FER1L6: variants seen among roughly 807,000 people sequenced by gnomAD.
FER1L6 encodes fer-1-like protein 6.
In FER1L6, 177 loss-of-function variants were observed where a neutral mutation model predicts 219.2. The ratio of observed to expected loss-of-function variants is 0.81; its 90% CI spans 0.71 to 0.91. The LOEUF is 0.91. FER1L6 is among the 40% of genes least tolerant of loss of function. The pLI is 0.00. For synonymous variants in FER1L6, 768 were observed against 824.3 expected (o/e 0.93, Z 1.17); for missense variants, 2,153 against 2,259.9 (o/e 0.95, Z 0.96).
chr8:123,979,581 A>G (rs1021449165), intron 10 of FER1L6, among the ~76,000 whole-genome samples: 1 of 152,206 alleles, frequency 6.6e-6, no homozygotes, highest in Non-Finnish European at 1.5e-5. Flanking sequence ...TTTCTCAGAC[A>G]CTATGTATTA....
chr8:123,943,693 C>T (rs1231251693), intron 1 of FER1L6, among the ~76,000 whole-genome samples: 3 of 152,130 alleles, frequency 2.0e-5, no homozygotes, highest in Admixed American at 2.0e-4. Context: ...AGGTCTGTTG[C>T]TCTGCTTCTC....
intron 10 of FER1L6, 83 bp from the exon 11 acceptor site, chr8:123,980,381 GA>G: frequency 9.0e-7 from 1 of 1,111,782 alleles, no homozygotes; most frequent in Non-Finnish European, 1.3e-6. Context: ...GTCTTTCTTG[GA>G]TATTCTACAT....
chr8:123,948,426 A>T (rs747241128), intron 1 of FER1L6, among the ~76,000 whole-genome samples: 26 of 152,230 alleles, frequency 1.7e-4, no homozygotes, highest in Admixed American at 2.6e-4. Context: ...ATAATCTCCA[A>T]ATCAAATTGG....
intron 14 of FER1L6, among the ~76,000 whole-genome samples, chr8:124,011,299 C>A (rs909586229): frequency 1.3e-5 from 2 of 152,136 alleles, no homozygotes; most frequent in Non-Finnish European, 2.9e-5. Flanking sequence ...TTTCAGACTT[C>A]CTCAGGGAAG....
chr8:124,020,249 G>A (rs6983493), intron 16 of FER1L6, among the ~76,000 whole-genome samples: 3,752 of 152,258 alleles, frequency 0.025, 146 homozygotes, highest in African/African-American at 0.086. Context: ...ATGTAGAACT[G>A]TGAGTTCTCC....
intron 30 of FER1L6, 129 bp from the exon 31 acceptor site, chr8:124,071,377 C>A: frequency 8.2e-7 from 1 of 1,214,634 alleles, no homozygotes; most frequent in Non-Finnish European, 1.2e-6. Flanking sequence ...ACCCAACTGG[C>A]AAGTTTAGCA....
At chr8:123,909,900 T>A (rs1248774313) in intron 1 of FER1L6, among the ~76,000 whole-genome samples, 1 of 152,228 alleles carries the variant, frequency 6.6e-6, no homozygotes, top group Non-Finnish European at 1.5e-5. Context: ...TTATCATAGT[T>A]AACTCTGAAA....
At chr8:124,109,148 G>A (rs751261419) in intron 39 of FER1L6, among the ~76,000 whole-genome samples, 1 of 152,176 alleles carries the variant, frequency 6.6e-6, no homozygotes, top group Non-Finnish European at 1.5e-5. Context: ...CCTTGAGAGA[G>A]AGATACACGT....
At chr8:124,046,346 T>C (rs4871456) in intron 21 of FER1L6, 77,386 of 154,676 alleles carry the variant, frequency 0.5, 19,387 homozygotes, top group Middle Eastern at 0.54. Flanking sequence ...CCTTTCTGTG[T>C]TTCTTTCTCT....
At chr8:124,082,167 C>G (rs1821582419) in intron 32 of FER1L6, 121 bp from the exon 33 acceptor site, 4 of 683,702 alleles carry the variant, frequency 5.9e-6, no homozygotes, top group Non-Finnish European at 9.8e-6. Context: ...TAAGTATTAA[C>G]TGAGTTGCTG....
intron 1 of FER1L6, among the ~76,000 whole-genome samples, chr8:123,862,440 CT>C (rs1816762963): frequency 7.1e-6 from 1 of 140,558 alleles, no homozygotes; most frequent in African/African-American, 2.9e-5. Flanking sequence ...CCAAAATCCT[CT>C]TTTTTGGTTG....
chr8:124,082,234 T>C, intron 32 of FER1L6, 54 bp from the exon 33 acceptor site: 1 of 1,484,230 alleles, frequency 6.7e-7, no homozygotes, highest in East Asian at 2.3e-5. Context: ...CTGGGAATGG[T>C]TCCCTGTGTC....
At chr8:124,071,364 G>T (rs1821063518) in intron 30 of FER1L6, 142 bp from the exon 31 acceptor site, 1 of 995,996 alleles carries the variant, frequency 1.0e-6, no homozygotes, top group Admixed American at 2.3e-5. Flanking sequence ...ATTGCCCAAG[G>T]ACACCCAACT....
chr8:123,944,015 G>A (rs1329952996), intron 1 of FER1L6, among the ~76,000 whole-genome samples: 1 of 152,084 alleles, frequency 6.6e-6, no homozygotes, highest in Non-Finnish European at 1.5e-5. Flanking sequence ...ACGGGTCAGG[G>A]TTTTACTGAA....
chr8:123,981,213 AG>A (rs1048119874), intron 11 of FER1L6, among the ~76,000 whole-genome samples: 1 of 152,186 alleles, frequency 6.6e-6, no homozygotes, highest in Admixed American at 6.5e-5. Flanking sequence ...GAGGAGGAAG[AG>A]TAGGTGACAA....
intron 21 of FER1L6, among the ~76,000 whole-genome samples, chr8:124,048,224 A>G (rs1382598178): frequency 1.3e-5 from 2 of 152,206 alleles, no homozygotes; most frequent in Non-Finnish European, 2.9e-5. Context: ...GAGTCCAGAG[A>G]CAATGAAGCA....
intron 1 of FER1L6, among the ~76,000 whole-genome samples, chr8:123,897,226 C>T (rs1266110085): frequency 6.6e-6 from 1 of 152,268 alleles, no homozygotes; most frequent in East Asian, 1.9e-4. Context: ...TTGCCCTTAT[C>T]CCCTCTGGAT....
chr8:124,018,900 C>T (rs999321315), intron 16 of FER1L6, among the ~76,000 whole-genome samples: 3 of 152,208 alleles, frequency 2.0e-5, no homozygotes, highest in African/African-American at 7.2e-5. Context: ...AATACTAGGT[C>T]CTGCAGATTC....
In FER1L6 at chr8:124,060,170, T is replaced by C. The variant is rs375639573; in HGVS notation, c.2875-10T>C. On this transcript the variant is annotated splice_polypyrimidine_tract_variant and intron_variant, in intron 22 of 40. Coordinates refer to ENST00000522917, the MANE Select transcript of FER1L6 (RefSeq NM_001039112.2). Reference sequence around the variant, plus strand: ...TCCAGCATCTAACTCATACTTGCCTTGTGCGGTAGGTTCCTCCTTCTGGGC... The same window carrying C: ...TCCAGCATCTAACTCATACTTGCCTCGTGCGGTAGGTTCCTCCTTCTGGGC... 49 of 1,608,694 alleles carry C rather than the reference T, an allele frequency of 3.0e-5. No individual in the cohort carries two copies. The highest frequency in any genetic ancestry group is 3.9e-5 in the Non-Finnish European group (46 of 1,175,204).
Sources: gnomAD v4.1 joint callset for allele counts (sites outside exome capture counted in the v4.1 genomes callset) on GRCh38, gnomAD v4.1.1 for gene constraint, MANE v1.5 for transcripts, NCBI Gene and HGNC (gene_info 2026-07-23, HGNC 2026-07-21) for gene names.